ARHGAP10: variants seen among roughly 807,000 people sequenced by gnomAD.
The protein encoded by ARHGAP10 is rho GTPase-activating protein 10.
Under a neutral mutation model 108.6 loss-of-function variants are expected in ARHGAP10, and 87 were observed. That is an observed-to-expected ratio of 0.80 (90% CI 0.67 to 0.96). The LOEUF (loss-of-function observed/expected upper bound fraction) is 0.96. ARHGAP10 is among the 40% of genes least tolerant of loss of function. The pLI, the probability that ARHGAP10 is intolerant of heterozygous loss-of-function variation, is 0.00. For synonymous variants in ARHGAP10, 347 were observed against 341.1 expected, an observed-to-expected ratio of 1.02 and a Z score of -0.19; for missense variants, 939 against 954.5, an observed-to-expected ratio of 0.98 and a Z score of 0.21.
At chr4:147,817,470 A>G (rs908414504) in intron 1 of ARHGAP10, among the ~76,000 whole-genome samples, 17 of 152,266 alleles carry the variant, frequency 1.1e-4, no homozygotes, top group Admixed American at 3.3e-4. Context: ...TGTAGAATCA[A>G]GGACAAGCAG....
chr4:147,834,275 T>C (rs181420348), intron 3 of ARHGAP10, among the ~76,000 whole-genome samples: 6 of 151,992 alleles, frequency 3.9e-5, no homozygotes, highest in Admixed American at 3.9e-4. Context: ...TCAAAACCAG[T>C]CTGGGCAACA....
intron 19 of ARHGAP10, among the ~76,000 whole-genome samples, chr4:148,028,952 T>G (rs1292629879): frequency 1.3e-5 from 2 of 152,216 alleles, no homozygotes; most frequent in African/African-American, 4.8e-5. Context: ...ATCTTCAGTT[T>G]TTTCCTTGCA....
At chr4:147,902,256 C>A (rs1376024375) in intron 10 of ARHGAP10, among the ~76,000 whole-genome samples, 1 of 152,178 alleles carries the variant, frequency 6.6e-6, no homozygotes, top group African/African-American at 2.4e-5. Flanking sequence ...TCTTGCCTAT[C>A]TTCAGTCCAT....
intron 20 of ARHGAP10, among the ~76,000 whole-genome samples, chr4:148,052,665 G>A (rs1729197940): frequency 6.6e-6 from 1 of 152,130 alleles, no homozygotes; most frequent in African/African-American, 2.4e-5. Context: ...AGAGCCTAGT[G>A]CCTTCTTGTG....
chr4:147,860,743 T>C (rs188774768), intron 5 of ARHGAP10, among the ~76,000 whole-genome samples: 9 of 152,358 alleles, frequency 5.9e-5, no homozygotes, highest in Non-Finnish European at 1.2e-4. Flanking sequence ...CTAAATAACT[T>C]TATGTGAGAC....
chr4:147,734,389 G>A (rs1322592753), intron 1 of ARHGAP10, among the ~76,000 whole-genome samples: 1 of 152,152 alleles, frequency 6.6e-6, no homozygotes, highest in African/African-American at 2.4e-5. Flanking sequence ...TACTCATTTT[G>A]ATTCTCGTCC....
intron 20 of ARHGAP10, among the ~76,000 whole-genome samples, chr4:148,059,144 T>C (rs752295960): frequency 2.0e-5 from 3 of 152,248 alleles, no homozygotes; most frequent in Non-Finnish European, 4.4e-5. Flanking sequence ...TGGCCTTCCG[T>C]GCTGAAGATA....
chr4:147,966,977 A>G (rs1277543077), intron 18 of ARHGAP10, 138 bp downstream of exon 18: 8 of 771,280 alleles, frequency 1.0e-5, no homozygotes, highest in East Asian at 3.0e-5. Context: ...GCTTGGTTCT[A>G]AGAAGTTCTC....
chr4:147,880,367 T>G (rs1017448881), intron 9 of ARHGAP10, among the ~76,000 whole-genome samples: 2 of 152,222 alleles, frequency 1.3e-5, no homozygotes, highest in Non-Finnish European at 2.9e-5. Flanking sequence ...AAAACACATT[T>G]ATATAATAAT....
intron 1 of ARHGAP10, among the ~76,000 whole-genome samples, chr4:147,747,060 TA>T (rs1728954442): frequency 6.6e-6 from 1 of 152,098 alleles, no homozygotes; most frequent in Non-Finnish European, 1.5e-5. Context: ...AATGTTTGGG[TA>T]AACAACCCTC....
intron 1 of ARHGAP10, among the ~76,000 whole-genome samples, chr4:147,797,268 C>T (rs972590454): frequency 6.6e-6 from 1 of 152,060 alleles, no homozygotes; most frequent in Admixed American, 6.5e-5. Flanking sequence ...TTATTACCCT[C>T]CAGATGAAGA....
intron 10 of ARHGAP10, among the ~76,000 whole-genome samples, chr4:147,894,639 C>A (rs1442894971): frequency 2.0e-5 from 3 of 152,008 alleles, no homozygotes; most frequent in African/African-American, 4.8e-5. Flanking sequence ...AAGAAATTTT[C>A]TGATGTTTTC....
At chr4:147,819,647 C>T (rs1732399856) in intron 1 of ARHGAP10, among the ~76,000 whole-genome samples, 3 of 152,048 alleles carry the variant, frequency 2.0e-5, no homozygotes, top group South Asian at 2.1e-4. Flanking sequence ...TCCCGGGTTC[C>T]TCCCGGGTTC....
intron 3 of ARHGAP10, among the ~76,000 whole-genome samples, chr4:147,832,123 C>T (rs938033000): frequency 6.6e-6 from 1 of 152,036 alleles, no homozygotes; most frequent in Non-Finnish European, 1.5e-5. Context: ...CACAAGGGAC[C>T]CTAGAATGTA....
At position 147,875,094 on chromosome 4, in the gene ARHGAP10, A is replaced by G. The variant is rs1168753846; in HGVS notation, c.776A>G (p.Asp259Gly). The G allele has an allele frequency of 1.9e-6, 3 of 1,609,072 alleles. No individual in the cohort carries two copies. Among genetic ancestry groups the G allele is most frequent in the Non-Finnish European group, 2.5e-6 (3 of 1,178,768 alleles). ...LMNKIRQNPK[D>G]HKRASQFTAE... Reference sequence around the variant, plus strand: ...AACAAAATCAGACAGAATCCCAAGGACCACAAACGAGCAAGTCAGTTTACA... The same window carrying G: ...AACAAAATCAGACAGAATCCCAAGGGCCACAAACGAGCAAGTCAGTTTACA... The change falls in exon 8 of 23, where the codon GAC (aspartate) becomes GGC (glycine). Residue 259 changes from aspartate (D) to glycine (G), a missense_variant. Transcript: ENST00000336498.
At chr4:148,068,214 T>G (rs1446391850) in intron 22 of ARHGAP10, among the ~76,000 whole-genome samples, 1 of 152,112 alleles carries the variant, frequency 6.6e-6, no homozygotes, top group Non-Finnish European at 1.5e-5. Flanking sequence ...CTGAGGCAGG[T>G]GGTTTCCAGG....
At chr4:147,798,051 TTTC>T (rs1251392264) in intron 1 of ARHGAP10, among the ~76,000 whole-genome samples, 1 of 152,238 alleles carries the variant, frequency 6.6e-6, no homozygotes, top group East Asian at 1.9e-4. Flanking sequence ...TGTTCAGGTG[TTTC>T]TTAAGTGGCA....
At chr4:147,873,278 C>G (rs775457918) in intron 7 of ARHGAP10, among the ~76,000 whole-genome samples, 1 of 152,064 alleles carries the variant, frequency 6.6e-6, no homozygotes, top group Non-Finnish European at 1.5e-5. Context: ...GAAGCCAGTT[C>G]GAAGGGACCT....
chr4:147,953,873 T>G (rs1478843390), intron 15 of ARHGAP10, among the ~76,000 whole-genome samples: 1 of 152,052 alleles, frequency 6.6e-6, no homozygotes, highest in Non-Finnish European at 1.5e-5. Context: ...ACCCTTCTTC[T>G]TTTTTAATAT....
Sources: gnomAD v4.1 joint callset for allele counts (sites outside exome capture counted in the v4.1 genomes callset) on GRCh38, gnomAD v4.1.1 for gene constraint, MANE v1.5 for transcripts, NCBI Gene and HGNC (gene_info 2026-07-23, HGNC 2026-07-21) for gene names.